The following KCNIP4 variants were observed in gnomAD, a reference collection of about 807,000 sequenced individuals.
KCNIP4 encodes Kv channel-interacting protein 4.
In KCNIP4, 12 loss-of-function variants were observed where a neutral mutation model predicts 34.0. That is an observed-to-expected ratio of 0.35 (90% confidence interval 0.23 to 0.57). The LOEUF (loss-of-function observed/expected upper bound fraction) is 0.57. Ranked by LOEUF, KCNIP4 falls within the 20% of genes least tolerant of loss-of-function variation. The probability of loss-of-function intolerance (pLI) is 0.83; values close to 1 mark genes in which losing one functional copy is unlikely to be tolerated. For missense variants in KCNIP4, 238 were observed against 311.7 expected (o/e 0.76, Z 1.78); for synonymous variants, 124 against 102.2 (o/e 1.21, Z -1.29).
At chr4:21,741,646 A>G (rs908389326) in intron 1 of KCNIP4, among the ~76,000 whole-genome samples, 1 of 152,194 alleles carries the variant, frequency 6.6e-6, no homozygotes, top group Non-Finnish European at 1.5e-5. Context: ...ACAATAAAGC[A>G]AAGACAGAAG....
intron 5 of KCNIP4, 69 bp downstream of exon 5, chr4:20,749,593 C>A: frequency 9.1e-7 from 1 of 1,103,134 alleles, no homozygotes; most frequent in Admixed American, 1.9e-5. Flanking sequence ...CATCACCAAA[C>A]TCACATTTTC....
chr4:21,895,521 T>C lies in KCNIP4; in HGVS notation c.61+53050A>G, dbSNP rs148122595. ...AACCTCTCTATGTCAGTATTAGGAA[T>C]GATAATAAATCCTATTTAGTAGGAT... On this transcript the variant is annotated intron_variant, in intron 1 of 8. Coordinates refer to ENST00000382152, the MANE Select transcript of KCNIP4 (RefSeq NM_025221.6). Among the ~76,000 whole-genome samples, 179 of 152,274 alleles carry C rather than the reference T, an allele frequency of 1.2e-3. 2 individuals carry two copies. The highest frequency in any genetic ancestry group is 6.8e-3 in the Middle Eastern group (2 of 294).
At chr4:21,109,545 T>G (rs534762219) in intron 1 of KCNIP4, among the ~76,000 whole-genome samples, 1 of 152,202 alleles carries the variant, frequency 6.6e-6, no homozygotes, top group Admixed American at 6.5e-5. Flanking sequence ...CCTGACCCCT[T>G]GCGCTTCCCG....
chr4:20,983,369 C>G (rs77805910), intron 1 of KCNIP4, among the ~76,000 whole-genome samples: 3 of 152,052 alleles, frequency 2.0e-5, no homozygotes, highest in African/African-American at 7.2e-5. Context: ...CATAATAAAC[C>G]ACCCGGGTTC....
chr4:21,519,740 G>GTGTATGT (rs556963421), intron 1 of KCNIP4, among the ~76,000 whole-genome samples: 2 of 110,216 alleles, frequency 1.8e-5, no homozygotes, highest in South Asian at 3.3e-4. Context: ...GTATATGTAT[G>GTGTATGT]ATACACACGT....
chr4:21,892,057 G>A (rs910228040), intron 1 of KCNIP4, among the ~76,000 whole-genome samples: 2 of 152,194 alleles, frequency 1.3e-5, no homozygotes, highest in South Asian at 4.1e-4. Context: ...ATCCCTAATA[G>A]AAATACGTAC....
At chr4:21,382,612 T>C (rs1560350251) in intron 1 of KCNIP4, among the ~76,000 whole-genome samples, 1 of 152,264 alleles carries the variant, frequency 6.6e-6, no homozygotes, top group East Asian at 1.9e-4. Context: ...GGAGCACCAA[T>C]AGATGATCCC....
chr4:21,833,887 A>G (rs1723154549), intron 1 of KCNIP4, among the ~76,000 whole-genome samples: 1 of 152,148 alleles, frequency 6.6e-6, no homozygotes, highest in African/African-American at 2.4e-5. Context: ...GGTTTATCAA[A>G]GATCAGATAG....
At chr4:21,018,395 T>C (rs1046362299) in intron 1 of KCNIP4, among the ~76,000 whole-genome samples, 4 of 152,184 alleles carry the variant, frequency 2.6e-5, no homozygotes, top group African/African-American at 4.8e-5. Flanking sequence ...GATTGCACCT[T>C]GCAAACATTC....
chr4:20,960,113 A>C (rs1733705279), intron 1 of KCNIP4, among the ~76,000 whole-genome samples: 1 of 152,180 alleles, frequency 6.6e-6, no homozygotes, highest in Non-Finnish European at 1.5e-5. Flanking sequence ...TTTCTTCCTT[A>C]GTTCTTCAGA....
chr4:21,773,920 G>A (rs551252039), intron 1 of KCNIP4, among the ~76,000 whole-genome samples: 30 of 152,026 alleles, frequency 2.0e-4, no homozygotes, highest in South Asian at 6.2e-4. Context: ...TCTAATTGGG[G>A]CATTTAGCCC....
At chr4:21,782,635 C>T (rs533333871) in intron 1 of KCNIP4, among the ~76,000 whole-genome samples, 1 of 152,254 alleles carries the variant, frequency 6.6e-6, no homozygotes, top group South Asian at 2.1e-4. Flanking sequence ...GAGGTTGAGG[C>T]CGCAGTGAGC....
intron 1 of KCNIP4, among the ~76,000 whole-genome samples, chr4:21,370,156 T>A (rs1720194056): frequency 6.8e-6 from 1 of 147,554 alleles, no homozygotes; most frequent in South Asian, 2.1e-4. Flanking sequence ...GTGGAAAAAC[T>A]AAGAAGACTG....
intron 1 of KCNIP4, among the ~76,000 whole-genome samples, chr4:21,327,019 G>T (rs1715151873): frequency 6.6e-6 from 1 of 151,890 alleles, no homozygotes. Flanking sequence ...AGTTGCTGCA[G>T]TTATATTATT....
At chr4:21,803,358 TA>T (rs974145578) in intron 1 of KCNIP4, among the ~76,000 whole-genome samples, 1 of 152,194 alleles carries the variant, frequency 6.6e-6, no homozygotes, top group Admixed American at 6.5e-5. Context: ...ACTTCTCATC[TA>T]AACAACCCTC....
intron 3 of KCNIP4, among the ~76,000 whole-genome samples, chr4:20,819,998 G>T (rs1437801076): frequency 6.6e-6 from 1 of 152,196 alleles, no homozygotes; most frequent in African/African-American, 2.4e-5. Context: ...ACCAAGCAGT[G>T]GGGTGTTGCT....
At chr4:21,866,816 C>CTGGAG (rs901653009) in intron 1 of KCNIP4, among the ~76,000 whole-genome samples, 1 of 121,000 alleles carries the variant, frequency 8.3e-6, no homozygotes, top group Non-Finnish European at 1.6e-5. Context: ...GTCGCCCAGG[C>CTGGAG]TGGAGTGCAC....
intron 1 of KCNIP4, among the ~76,000 whole-genome samples, chr4:21,000,312 A>G (rs1259552624): frequency 3.9e-5 from 6 of 152,162 alleles, no homozygotes; most frequent in Non-Finnish European, 7.3e-5. Context: ...TCTACAGAAA[A>G]AAAAGATAGA....
At chr4:20,969,168 G>C (rs1328551058) in intron 1 of KCNIP4, among the ~76,000 whole-genome samples, 1 of 152,124 alleles carries the variant, frequency 6.6e-6, no homozygotes, top group Non-Finnish European at 1.5e-5. Flanking sequence ...CTTAGTACCA[G>C]ACTTGATGGT....
Sources: allele counts gnomAD v4.1 joint callset (sites outside exome capture counted in the v4.1 genomes callset), GRCh38; gene constraint gnomAD v4.1.1; transcripts MANE v1.5; gene names NCBI Gene and HGNC (gene_info 2026-07-23, HGNC 2026-07-21).